LAMA2: variants seen among roughly 807,000 people sequenced by gnomAD.
LAMA2 encodes laminin subunit alpha-2.
A neutral mutation model predicts 364.8 loss-of-function variants in LAMA2; 269 were observed. That is an observed-to-expected ratio of 0.74 (90% CI 0.67 to 0.82). The LOEUF (loss-of-function observed/expected upper bound fraction) is 0.82, where lower values mean the gene tolerates loss of function less well. LAMA2 is among the 40% of genes least tolerant of loss of function. LAMA2 has a pLI of 0.00. For missense variants in LAMA2, 3,807 were observed against 3,873.2 expected (o/e 0.98, Z 0.45); for synonymous variants, 1,379 against 1,370.6 (o/e 1.01, Z -0.14).
intron 1 of LAMA2, among the ~76,000 whole-genome samples, chr6:129,023,936 G>T (rs528339895): frequency 6.6e-6 from 1 of 152,120 alleles, no homozygotes; most frequent in South Asian, 2.1e-4. Context: ...TTTTGTTGTT[G>T]TTGTTTTGGT....
intron 10 of LAMA2, among the ~76,000 whole-genome samples, chr6:129,185,027 G>T (rs1781151414): frequency 6.6e-6 from 1 of 151,772 alleles, no homozygotes; most frequent in African/African-American, 2.4e-5. Flanking sequence ...GGATGCATTA[G>T]TCTAAAGGTC....
Position 129,247,886 on chromosome 6 carries a change from T to C in LAMA2, c.1783-2226T>C, listed in dbSNP as rs182196958. 2.0e-5 allele frequency among the ~76,000 whole-genome samples: 3 copies of C among 152,336 alleles called. No individual in the cohort carries two copies. The East Asian group carries it at 5.8e-4, about 29-fold the overall frequency. On this transcript the variant is annotated intron_variant, in intron 12 of 64. Transcript: ENST00000421865. ...TGTTTTATATTATCGCTGACCTGCA[T>C]GAGGAGCCCCTATTTTTCTGCGTAT...
chr6:129,265,755 A>G (rs1787464054), intron 15 of LAMA2, among the ~76,000 whole-genome samples: 1 of 152,038 alleles, frequency 6.6e-6, no homozygotes, highest in South Asian at 2.1e-4. Context: ...TAGGAGAAAT[A>G]TCTAATGTAG....
At chr6:128,911,597 T>A (rs1777961308) in intron 1 of LAMA2, among the ~76,000 whole-genome samples, 1 of 152,200 alleles carries the variant, frequency 6.6e-6, no homozygotes, top group Admixed American at 6.5e-5. Context: ...TCACCTGTCT[T>A]CTGCGTCGCT....
intron 12 of LAMA2, among the ~76,000 whole-genome samples, chr6:129,239,495 C>T (rs1053687203): frequency 6.6e-6 from 1 of 152,134 alleles, no homozygotes; most frequent in Non-Finnish European, 1.5e-5. Context: ...ATTTAAATAA[C>T]CCACTGTTAA....
chr6:129,201,749 T>C (rs1268529935), intron 12 of LAMA2, among the ~76,000 whole-genome samples: 1 of 151,944 alleles, frequency 6.6e-6, no homozygotes, highest in African/African-American at 2.4e-5. Context: ...ACCAGGTACA[T>C]AAACAAGCAG....
intron 30 of LAMA2, among the ~76,000 whole-genome samples, chr6:129,346,746 A>G (rs978431251): frequency 6.6e-6 from 1 of 152,198 alleles, no homozygotes; most frequent in Non-Finnish European, 1.5e-5. Context: ...TGTATTTTTT[A>G]TAAGAGAGTA....
intron 4 of LAMA2, among the ~76,000 whole-genome samples, chr6:129,110,143 A>G (rs1161371216): frequency 6.6e-6 from 1 of 152,032 alleles, no homozygotes; most frequent in East Asian, 1.9e-4. Flanking sequence ...ATTCATTGCA[A>G]TTTATTATAG....
At position 129,119,505 on chromosome 6, in the gene LAMA2, A is replaced by G. The variant is rs1249993275; in HGVS notation, c.639+21090A>G. Among the ~76,000 whole-genome samples, 3 of 151,834 alleles carry G rather than the reference A, an allele frequency of 2.0e-5. No individual in the cohort carries two copies. The East Asian group carries it at 5.8e-4, about 29-fold the overall frequency. ...GATAAGGGAAATTGTAGGCTAAAGC[A>G]TATATTATACATTTTATTTTATTTT... On this transcript the variant is annotated intron_variant, in intron 4 of 64. Transcript: ENST00000421865.
intron 40 of LAMA2, among the ~76,000 whole-genome samples, chr6:129,422,782 A>G (rs570080520): frequency 8.5e-5 from 13 of 152,266 alleles, no homozygotes; most frequent in Middle Eastern, 3.4e-3. Context: ...AAGAAATAAT[A>G]AACTCTTTCA....
chr6:129,069,781 G>T (rs898377612), intron 3 of LAMA2, among the ~76,000 whole-genome samples: 9 of 147,768 alleles, frequency 6.1e-5, no homozygotes, highest in Non-Finnish European at 1.0e-4. Context: ...ATTGTATAAT[G>T]TATAATTATA....
chr6:128,900,818 T>G (rs890995544), intron 1 of LAMA2, among the ~76,000 whole-genome samples: 7 of 152,116 alleles, frequency 4.6e-5, no homozygotes, highest in African/African-American at 1.7e-4. Context: ...TTTGCAAAAA[T>G]GAAAACTCCC....
At chr6:129,155,977 A>C (rs1779090120) in intron 8 of LAMA2, among the ~76,000 whole-genome samples, 1 of 151,962 alleles carries the variant, frequency 6.6e-6, no homozygotes, top group Non-Finnish European at 1.5e-5. Context: ...AAAGAATATA[A>C]AATTTCAGTT....
intron 1 of LAMA2, among the ~76,000 whole-genome samples, chr6:128,939,970 G>T (rs946024445): frequency 1.3e-5 from 2 of 152,042 alleles, no homozygotes; most frequent in African/African-American, 4.8e-5. Context: ...CAAAAGTTTG[G>T]GTCCAAATGT....
At chr6:128,955,700 G>A (rs1340357990) in intron 1 of LAMA2, among the ~76,000 whole-genome samples, 1 of 151,762 alleles carries the variant, frequency 6.6e-6, no homozygotes. Flanking sequence ...ATCTATCATT[G>A]GTCAATACAT....
At chr6:129,158,169 T>C (rs964999425) in intron 8 of LAMA2, 19 of 1,613,060 alleles carry the variant, frequency 1.2e-5, no homozygotes, top group Non-Finnish European at 1.3e-5. Flanking sequence ...CAGGAAGTCA[T>C]AGAGAGATCC....
intron 1 of LAMA2, among the ~76,000 whole-genome samples, chr6:128,910,061 C>A (rs1219788919): frequency 6.6e-6 from 1 of 151,736 alleles, no homozygotes; most frequent in Non-Finnish European, 1.5e-5. Context: ...TCTCTGGCTG[C>A]CCTTAACATT....
intron 3 of LAMA2, among the ~76,000 whole-genome samples, chr6:129,066,714 A>T (rs9492217): frequency 0.016 from 2,462 of 152,352 alleles, 80 homozygotes; most frequent in African/African-American, 0.056. Context: ...TATGCTGCTA[A>T]CTTAAAAACA....
chr6:129,345,885 A>C (rs1776521936), intron 30 of LAMA2, among the ~76,000 whole-genome samples: 1 of 152,176 alleles, frequency 6.6e-6, no homozygotes, highest in South Asian at 2.1e-4. Flanking sequence ...GAAGAATTAA[A>C]ATGTGAAGCA....
Sources: allele counts gnomAD v4.1 joint callset (sites outside exome capture counted in the v4.1 genomes callset), GRCh38; gene constraint gnomAD v4.1.1; transcripts MANE v1.5; gene names NCBI Gene and HGNC (gene_info 2026-07-23, HGNC 2026-07-21).